SDK1: variants seen among roughly 807,000 people sequenced by gnomAD.
The protein encoded by SDK1 is sidekick cell adhesion molecule 1.
Under a neutral mutation model 245.5 loss-of-function variants are expected in SDK1, and 157 were observed. The observed-to-expected ratio is 0.64, with a 90% CI of 0.56 to 0.73. The LOEUF is 0.73. SDK1 is among the 30% of genes least tolerant of loss of function. SDK1 has a pLI of 0.00. For synonymous variants in SDK1, 1,647 were observed against 1,278.5 expected (o/e 1.29, Z -6.15); for missense variants, 3,583 against 3,002.3 (o/e 1.19, Z -4.52).
At chr7:4,070,260 G>T (rs566488117) in intron 20 of SDK1, among the ~76,000 whole-genome samples, 4 of 152,282 alleles carry the variant, frequency 2.6e-5, no homozygotes, top group Admixed American at 2.6e-4. Flanking sequence ...CAGACCTTGG[G>T]ACCAGATGGT....
At chr7:3,696,618 G>T (rs181073533) in intron 4 of SDK1, among the ~76,000 whole-genome samples, 1 of 150,312 alleles carries the variant, frequency 6.7e-6, no homozygotes. Context: ...CTACATTTAA[G>T]GTTACTCAAA....
rs1168414773 is a variant in SDK1 at position 3,954,117 on chromosome 7, C to CT, written c.1150+2197_1150+2198insT. Among the ~76,000 whole-genome samples the CT allele has an allele frequency of 4.0e-5, 6 of 151,356 alleles. No homozygotes were observed. In the East Asian group the frequency reaches 1.2e-3, roughly 29 times the overall value. ...AGGACAGGCTAGTTGGGCTGTTTGC[C>CT]CACCTGCCTGTCTATGTTGCTTAAT... is the stretch of plus-strand genomic sequence containing the variant. On this transcript the variant is annotated intron_variant, in intron 7 of 44. Transcript: ENST00000404826.
At chr7:3,975,825 G>A (rs1251784719) in intron 13 of SDK1, among the ~76,000 whole-genome samples, 4 of 152,260 alleles carry the variant, frequency 2.6e-5, no homozygotes, top group Non-Finnish European at 5.9e-5. Flanking sequence ...GTTAGGAAGC[G>A]GCAGGAGTCC....
intron 1 of SDK1, among the ~76,000 whole-genome samples, chr7:3,435,299 C>G (rs1006272203): frequency 1.6e-5 from 2 of 122,022 alleles, no homozygotes; most frequent in African/African-American, 6.6e-5. Context: ...TATTTTGATA[C>G]TTGACTTATG....
chr7:3,713,221 T>C (rs1158924270), intron 4 of SDK1, among the ~76,000 whole-genome samples: 3 of 152,250 alleles, frequency 2.0e-5, no homozygotes, highest in Non-Finnish European at 4.4e-5. Context: ...GAAGACATTG[T>C]CTTCCTTTGT....
intron 1 of SDK1, among the ~76,000 whole-genome samples, chr7:3,367,784 C>T (rs763852582): frequency 6.6e-6 from 1 of 152,156 alleles, no homozygotes; most frequent in Non-Finnish European, 1.5e-5. Flanking sequence ...GAGCCATGTA[C>T]CTCCAGGGAA....
At chr7:4,104,722 G>T (rs1000516159) in intron 22 of SDK1, among the ~76,000 whole-genome samples, 1 of 151,960 alleles carries the variant, frequency 6.6e-6, no homozygotes, top group African/African-American at 2.4e-5. Context: ...ATTTATTTTT[G>T]AGGCAGGGTC....
At chr7:3,746,988 C>A (rs141241896) in intron 4 of SDK1, among the ~76,000 whole-genome samples, 1 of 152,334 alleles carries the variant, frequency 6.6e-6, no homozygotes, top group Non-Finnish European at 1.5e-5. Context: ...TATAGACTTA[C>A]AAAATGCATT....
chr7:3,395,506 G>C (rs1781874107), intron 1 of SDK1, among the ~76,000 whole-genome samples: 1 of 151,794 alleles, frequency 6.6e-6, no homozygotes. Flanking sequence ...TCTAGAATGA[G>C]ATGTGAGTAA....
chr7:3,608,358 C>A lies in SDK1; in HGVS notation c.299-10722C>A, dbSNP rs183951918. ...TTGAACTGGCTGCTTTTTTGCATGG[C>A]ACCCCATTTTTACTTGAAGTAGTGA... On this transcript the variant is annotated intron_variant, in intron 1 of 44. Coordinates refer to ENST00000404826, the MANE Select transcript of SDK1 (RefSeq NM_152744.4). 1.4e-3 allele frequency among the ~76,000 whole-genome samples: 212 copies of A among 152,222 alleles called. 1 individual carries two copies. The highest frequency in any genetic ancestry group is 1.5e-3 in the Non-Finnish European group (104 of 68,018).
chr7:4,173,939 C>T (rs602780), intron 32 of SDK1, among the ~76,000 whole-genome samples: 18,549 of 152,268 alleles, frequency 0.12, 1,232 homozygotes, highest in Non-Finnish European at 0.13. Flanking sequence ...CCTCCTGCCC[C>T]AGCCTGGGGG....
chr7:3,681,124 G>A lies in SDK1; in HGVS notation c.713+39019G>A, dbSNP rs186425540. Among the ~76,000 whole-genome samples, 423 of 152,314 alleles carry A rather than the reference G, an allele frequency of 2.8e-3. 3 individuals carry two copies. The highest frequency in any genetic ancestry group is 0.017 in the South Asian group (82 of 4,826). On this transcript the variant is annotated intron_variant, in intron 4 of 44. Transcript: ENST00000404826. ...CCCAGAGTGCTGGGATTACAGGCGT[G>A]AGCCACCGCGCCCGGCTGCCACTTT...
At chr7:3,820,679 C>G (rs1005215266) in intron 4 of SDK1, among the ~76,000 whole-genome samples, 2 of 152,216 alleles carry the variant, frequency 1.3e-5, no homozygotes, top group African/African-American at 4.8e-5. Context: ...AAAACACCTT[C>G]TCCCTTCTCT....
chr7:3,730,181 C>A (rs1181596447), intron 4 of SDK1, among the ~76,000 whole-genome samples: 2 of 152,132 alleles, frequency 1.3e-5, no homozygotes, highest in Non-Finnish European at 2.9e-5. Context: ...GGAGAACACT[C>A]ACATCTGTAG....
intron 44 of SDK1, among the ~76,000 whole-genome samples, chr7:4,261,694 C>G (rs1309284763): frequency 6.6e-6 from 1 of 152,200 alleles, no homozygotes; most frequent in South Asian, 2.1e-4. Flanking sequence ...GCTGATGATC[C>G]TCAGATGGCA....
intron 1 of SDK1, among the ~76,000 whole-genome samples, chr7:3,337,574 G>C (rs1780235939): frequency 6.6e-6 from 1 of 152,132 alleles, no homozygotes; most frequent in Admixed American, 6.5e-5. Context: ...CAACCCAAAG[G>C]AATCTGTGCC....
intron 4 of SDK1, among the ~76,000 whole-genome samples, chr7:3,650,237 T>G (rs2128655503): frequency 6.6e-6 from 1 of 152,268 alleles, no homozygotes; most frequent in South Asian, 2.1e-4. Flanking sequence ...TTTTAACCAC[T>G]TTTAAGTATA....
intron 4 of SDK1, among the ~76,000 whole-genome samples, chr7:3,743,716 G>A (rs577212679): frequency 4.6e-5 from 7 of 152,150 alleles, no homozygotes; most frequent in Non-Finnish European, 8.8e-5. Context: ...CGGAGGAGGA[G>A]GAAGAGGGTA....
At chr7:3,316,114 GC>G (rs1779657326) in intron 1 of SDK1, among the ~76,000 whole-genome samples, 1 of 151,912 alleles carries the variant, frequency 6.6e-6, no homozygotes, top group Non-Finnish European at 1.5e-5. Flanking sequence ...AAAATTTGAG[GC>G]ATGAAGTTGT....
Sources: allele counts gnomAD v4.1 joint callset (sites outside exome capture counted in the v4.1 genomes callset), GRCh38; gene constraint gnomAD v4.1.1; transcripts MANE v1.5; gene names NCBI Gene and HGNC (gene_info 2026-07-23, HGNC 2026-07-21).